The following GRIK1 variants were observed in gnomAD, a reference collection of about 807,000 sequenced individuals.
The protein encoded by GRIK1 is glutamate ionotropic receptor kainate type subunit 1.
GRIK1 carries 69 observed loss-of-function variants against 105.7 expected under a neutral mutation model. The ratio of observed to expected loss-of-function variants is 0.65; its 90% CI spans 0.54 to 0.80. GRIK1 has a LOEUF of 0.80. Among genes scored for constraint, GRIK1 ranks in the 30% least tolerant of loss-of-function variants. The probability of loss-of-function intolerance (pLI) is 0.00; values close to 1 mark genes in which losing one functional copy is unlikely to be tolerated. For synonymous variants in GRIK1, 438 were observed against 431.3 expected (o/e 1.02, Z -0.19); for missense variants, 1,109 against 1,167.3 (o/e 0.95, Z 0.73).
At chr21:29,558,995 A>AT (rs1182604730) in intron 15 of GRIK1, among the ~76,000 whole-genome samples, 1 of 152,154 alleles carries the variant, frequency 6.6e-6, no homozygotes, top group Non-Finnish European at 1.5e-5. Context: ...ACACATTGTT[A>AT]TTTTAAATCA....
intron 10 of GRIK1, among the ~76,000 whole-genome samples, chr21:29,589,356 A>C (rs1254738926): frequency 6.6e-6 from 1 of 151,720 alleles, no homozygotes; most frequent in Non-Finnish European, 1.5e-5. Flanking sequence ...GCAAAGGGAA[A>C]TGGGGGCCCA....
At position 29,799,070 on chromosome 21, in the gene GRIK1, T is replaced by G. The variant is rs372681725; in HGVS notation, c.119-105007A>C. Among the ~76,000 whole-genome samples the G allele has an allele frequency of 8.5e-5, 13 of 152,346 alleles. No homozygotes were observed. In the East Asian group the frequency reaches 1.3e-3, roughly 16 times the overall value. On this transcript the variant is annotated intron_variant, in intron 1 of 17. Coordinates refer to ENST00000327783, the MANE Select transcript of GRIK1 (RefSeq NM_001330994.2). Reference sequence around the variant, plus strand: ...GCCTGGAATTGTCACATTCCAAGAATGCCAGCAATCCCAGGCTAAACCTCA... The same window carrying G: ...GCCTGGAATTGTCACATTCCAAGAAGGCCAGCAATCCCAGGCTAAACCTCA...
intron 16 of GRIK1, among the ~76,000 whole-genome samples, chr21:29,541,011 A>T (rs375843011): frequency 6.8e-6 from 1 of 146,160 alleles, no homozygotes; most frequent in African/African-American, 2.6e-5. Flanking sequence ...CTCTGTCACC[A>T]GGCTGGAGTG....
At chr21:29,600,080 G>A (rs981023558) in intron 7 of GRIK1, among the ~76,000 whole-genome samples, 4 of 152,048 alleles carry the variant, frequency 2.6e-5, no homozygotes, top group Non-Finnish European at 5.9e-5. Context: ...GCAAGACTCC[G>A]TCTAAAACAA....
Position 29,872,643 on chromosome 21 carries a change from C to T in GRIK1, c.118+66740G>A, listed in dbSNP as rs142611463. 3.1e-3 allele frequency among the ~76,000 whole-genome samples: 477 copies of T among 152,304 alleles called. 1 individual carries two copies. Among genetic ancestry groups the T allele is most frequent in the Non-Finnish European group, 5.4e-3 (364 of 68,024 alleles). On this transcript the variant is annotated intron_variant, in intron 1 of 17. Transcript: ENST00000327783. ...AGAAAAAAGAGGTTTGATGGACTCACAGTTCCACGTAGCTGGGGAGGCCTC... is the reference window on the plus strand; with the variant it reads ...AGAAAAAAGAGGTTTGATGGACTCATAGTTCCACGTAGCTGGGGAGGCCTC...
At chr21:29,736,997 C>A (rs1266964290) in intron 1 of GRIK1, among the ~76,000 whole-genome samples, 2 of 152,176 alleles carry the variant, frequency 1.3e-5, no homozygotes, top group East Asian at 3.9e-4. Context: ...TCATTATTAA[C>A]AATTATTTCT....
At chr21:29,697,975 C>T (rs181223873) in intron 1 of GRIK1, among the ~76,000 whole-genome samples, 6 of 127,222 alleles carry the variant, frequency 4.7e-5, no homozygotes, top group East Asian at 4.5e-4. Context: ...CTTTCTTTCT[C>T]TCTGTCTCTT....
intron 1 of GRIK1, among the ~76,000 whole-genome samples, chr21:29,807,566 A>G (rs548668383): frequency 1.3e-5 from 2 of 152,084 alleles, no homozygotes; most frequent in Non-Finnish European, 2.9e-5. Context: ...AAAGGTTCTT[A>G]TTCTAAGATA....
At chr21:29,776,759 G>A (rs1203405894) in intron 1 of GRIK1, among the ~76,000 whole-genome samples, 1 of 152,212 alleles carries the variant, frequency 6.6e-6, no homozygotes, top group Non-Finnish European at 1.5e-5. Context: ...CCTCTTTGCA[G>A]GGGTGGTTGA....
At chr21:29,632,843 C>T (rs761203492) in intron 7 of GRIK1, among the ~76,000 whole-genome samples, 5 of 152,190 alleles carry the variant, frequency 3.3e-5, no homozygotes, top group Non-Finnish European at 7.3e-5. Flanking sequence ...GAGGCCAACA[C>T]TCCCTTGCAA....
intron 7 of GRIK1, among the ~76,000 whole-genome samples, chr21:29,607,072 A>G (rs1429866722): frequency 6.6e-6 from 1 of 152,110 alleles, no homozygotes; most frequent in Non-Finnish European, 1.5e-5. Flanking sequence ...CGGGGATACT[A>G]GTGTCTTGTG....
intron 7 of GRIK1, among the ~76,000 whole-genome samples, chr21:29,619,755 A>G (rs544274554): frequency 1.3e-5 from 2 of 152,324 alleles, no homozygotes; most frequent in South Asian, 2.1e-4. Context: ...TCTTTAATGG[A>G]GGCATGATGG....
intron 3 of GRIK1, among the ~76,000 whole-genome samples, chr21:29,674,234 TC>T (rs2063220346): frequency 6.6e-6 from 1 of 151,464 alleles, no homozygotes; most frequent in African/African-American, 2.4e-5. Context: ...GTCACATTTT[TC>T]TTTTTCTTGT....
At chr21:29,779,702 T>G (rs113731458) in intron 1 of GRIK1, among the ~76,000 whole-genome samples, 6,468 of 152,240 alleles carry the variant, frequency 0.042, 195 homozygotes, top group Non-Finnish European at 0.066. Context: ...CCAAACAACT[T>G]AGGGAATCAA....
At chr21:29,692,825 G>A (rs180761433) in intron 2 of GRIK1, among the ~76,000 whole-genome samples, 4 of 152,200 alleles carry the variant, frequency 2.6e-5, no homozygotes, top group South Asian at 2.1e-4. Flanking sequence ...CACCTGCCTC[G>A]GCCACCCAAA....
At chr21:29,856,240 T>G (rs2068460986) in intron 1 of GRIK1, among the ~76,000 whole-genome samples, 1 of 151,926 alleles carries the variant, frequency 6.6e-6, no homozygotes, top group African/African-American at 2.4e-5. Flanking sequence ...CCAGAGACTG[T>G]GTGGAGGAAG....
intron 1 of GRIK1, among the ~76,000 whole-genome samples, chr21:29,824,722 G>A (rs186802309): frequency 3.5e-4 from 53 of 152,108 alleles, no homozygotes; most frequent in Non-Finnish European, 6.6e-4. Flanking sequence ...GACGAGAATC[G>A]AGATGGTTCA....
intron 1 of GRIK1, among the ~76,000 whole-genome samples, chr21:29,883,052 C>T (rs463370): frequency 0.14 from 21,580 of 151,968 alleles, 1,797 homozygotes; most frequent in East Asian, 0.34. Flanking sequence ...TTCATGGAAT[C>T]GTGGCTTGTC....
At chr21:29,666,078 C>T (rs13048334) in intron 4 of GRIK1, among the ~76,000 whole-genome samples, 12,943 of 152,198 alleles carry the variant, frequency 0.085, 609 homozygotes, top group Admixed American at 0.13. Context: ...AAAACCTGCA[C>T]ATGTACCCCT....
Sources: gnomAD v4.1 joint callset for allele counts (sites outside exome capture counted in the v4.1 genomes callset) on GRCh38, gnomAD v4.1.1 for gene constraint, MANE v1.5 for transcripts, NCBI Gene and HGNC (gene_info 2026-07-23, HGNC 2026-07-21) for gene names.